IQGAP2: variants seen among roughly 807,000 people sequenced by gnomAD.
The protein encoded by IQGAP2 is IQ motif containing GTPase activating protein 2.
Under a neutral mutation model 201.3 loss-of-function variants are expected in IQGAP2, and 173 were observed. That is an observed-to-expected ratio of 0.86 (90% CI 0.76 to 0.98). The LOEUF is 0.98. Ranked by LOEUF, IQGAP2 falls within the 50% of genes least tolerant of loss-of-function variation. The pLI is 0.00. For missense variants in IQGAP2, 1,687 were observed against 1,864.8 expected, an observed-to-expected ratio of 0.90 and a Z score of 1.76; for synonymous variants, 675 against 673.9, an observed-to-expected ratio of 1.00 and a Z score of -0.03.
intron 30 of IQGAP2, among the ~76,000 whole-genome samples, chr5:76,692,269 G>C (rs2150535062): frequency 6.6e-6 from 1 of 152,172 alleles, no homozygotes; most frequent in Admixed American, 6.5e-5. Context: ...CTCACACTTA[G>C]GCCTCCTGAG....
chr5:76,435,042 T>C (rs115461452), intron 1 of IQGAP2, among the ~76,000 whole-genome samples: 2,918 of 150,018 alleles, frequency 0.019, 104 homozygotes, highest in African/African-American at 0.068. Context: ...CATTTTTTGA[T>C]GGGATTCTTT....
chr5:76,477,696 C>T (rs181357306), intron 2 of IQGAP2, among the ~76,000 whole-genome samples: 135 of 152,088 alleles, frequency 8.9e-4, no homozygotes, highest in Non-Finnish European at 1.7e-3. Flanking sequence ...CCAGGCAGGC[C>T]CTTTTGGAGG....
chr5:76,678,694 A>G (rs1053765165), intron 28 of IQGAP2, among the ~76,000 whole-genome samples: 4 of 152,358 alleles, frequency 2.6e-5, no homozygotes, highest in African/African-American at 9.6e-5. Flanking sequence ...CCAACTTTGG[A>G]TTATACAGAG....
intron 1 of IQGAP2, among the ~76,000 whole-genome samples, chr5:76,456,031 G>A (rs1001609722): frequency 6.6e-6 from 1 of 152,182 alleles, no homozygotes; most frequent in Admixed American, 6.5e-5. Flanking sequence ...TATCTTGTGT[G>A]ACTATTATGA....
At chr5:76,435,403 T>C (rs1044390766) in intron 1 of IQGAP2, among the ~76,000 whole-genome samples, 7 of 152,200 alleles carry the variant, frequency 4.6e-5, no homozygotes, top group African/African-American at 1.4e-4. Context: ...AGTTTCATTC[T>C]TCTACATGTG....
Position 76,701,170 on chromosome 5 carries a change from G to A in IQGAP2, c.4462G>A (p.Glu1488Lys). The A allele has an allele frequency of 3.7e-6, 6 of 1,614,082 alleles. No individual in the cohort carries two copies. Among genetic ancestry groups the A allele is most frequent in the Non-Finnish European group, 5.1e-6 (6 of 1,179,862 alleles). Reference protein sequence around the residue: ...PVKYTAAKLHEKGVLLDIDDL... With the variant: ...PVKYTAAKLHKKGVLLDIDDL... ...GAAGTACACTGCAGCAAAGCTGCAT[G>A]AGAAAGGTGTCCTGCTAGATATAGA... The change falls in exon 34 of 36, where the codon GAG (glutamate) becomes AAG (lysine). Residue 1488 changes from glutamate (E) to lysine (K), a missense_variant. By Grantham distance (56) the Glu-to-Lys change is moderately conservative. Transcript: ENST00000274364.
rs147198586 is a variant in IQGAP2, at chr5:76,495,666, G to A, written c.146+33997G>A. Among the ~76,000 whole-genome samples the A allele has an allele frequency of 7.4e-4, 113 of 152,312 alleles. 1 individual carries two copies. The East Asian group carries it at 7.7e-3, about 10-fold the overall frequency. On this transcript the variant is annotated intron_variant, in intron 2 of 35. Transcript: ENST00000274364. ...GTTCTGCAGGCAATGCAGGAAGCAC[G>A]GTGCTTGCATCTGCTTCTGGAGAGG...
intron 2 of IQGAP2, among the ~76,000 whole-genome samples, chr5:76,462,924 C>A (rs1222900372): frequency 6.6e-6 from 1 of 151,868 alleles, no homozygotes; most frequent in Non-Finnish European, 1.5e-5. Context: ...AGTCTAAGAT[C>A]ATTAAAAACA....
chr5:76,456,499 A>C (rs959366786), intron 1 of IQGAP2, among the ~76,000 whole-genome samples: 1 of 152,166 alleles, frequency 6.6e-6, no homozygotes, highest in Non-Finnish European at 1.5e-5. Context: ...CTTGGACTTT[A>C]GGTTCTCTCA....
intron 2 of IQGAP2, among the ~76,000 whole-genome samples, chr5:76,463,144 G>A (rs1363944531): frequency 5.2e-5 from 7 of 134,682 alleles, no homozygotes; most frequent in African/African-American, 8.2e-5. Flanking sequence ...AAAAAAAAAA[G>A]GAAAAGAAAG....
chr5:76,662,641 A>G (rs968274580), intron 21 of IQGAP2, among the ~76,000 whole-genome samples: 3 of 152,192 alleles, frequency 2.0e-5, no homozygotes, highest in Non-Finnish European at 4.4e-5. Flanking sequence ...TGAAGAGGAA[A>G]AATGTGGATT....
At chr5:76,617,503 C>A in intron 13 of IQGAP2, 2 of 1,042,044 alleles carry the variant, frequency 1.9e-6, no homozygotes, top group Admixed American at 2.3e-5. Context: ...GGAAATGGAG[C>A]TCCTTGCACT....
rs1338722154 is a variant in IQGAP2 at position 76,674,549 on chromosome 5, G to A, written c.3367G>A (p.Asp1123Asn). 5 of 1,613,998 alleles carry A rather than the reference G, an allele frequency of 3.1e-6. No homozygotes were observed. Among genetic ancestry groups the A allele is most frequent in the Admixed American group, 1.7e-5 (1 of 59,992 alleles). The change falls in exon 27 of 36, where the codon GAC (aspartate) becomes AAC (asparagine). Residue 1123 changes from aspartate (D) to asparagine (N), a missense_variant. Coordinates refer to ENST00000274364, the MANE Select transcript of IQGAP2 (RefSeq NM_006633.5). ...IVAPDGFDII[D>N]MTAGGQINSD... Reference sequence around the variant, plus strand: ...AGCTCCAGATGGCTTTGATATCATCGACATGACAGCTGGAGGTCAGATAAA... The same window carrying A: ...AGCTCCAGATGGCTTTGATATCATCAACATGACAGCTGGAGGTCAGATAAA...
At chr5:76,594,718 G>A (rs9293689) in intron 9 of IQGAP2, among the ~76,000 whole-genome samples, 40,439 of 151,956 alleles carry the variant, frequency 0.27, 5,760 homozygotes, top group South Asian at 0.46. Context: ...TGTAATCCCA[G>A]CACTTTGGGA....
At chr5:76,700,736 T>C (rs1186728965) in intron 33 of IQGAP2, among the ~76,000 whole-genome samples, 1 of 152,374 alleles carries the variant, frequency 6.6e-6, no homozygotes, top group East Asian at 1.9e-4. Context: ...TATCTAGGAA[T>C]ACACAGTTCA....
chr5:76,699,846 A>T (rs867907825), intron 33 of IQGAP2, among the ~76,000 whole-genome samples: 838 of 4,546 alleles, frequency 0.18, no homozygotes, highest in African/African-American at 0.26. Context: ...TCTCTCTCTC[A>T]CTCTCGTGCT....
At position 76,546,089 on chromosome 5, in the gene IQGAP2, T is replaced by G. The variant is rs113425330; in HGVS notation, c.147-16307T>G. Among the ~76,000 whole-genome samples the G allele has an allele frequency of 3.2e-4, 49 of 152,332 alleles. 1 individual carries two copies. Among genetic ancestry groups the G allele is most frequent in the African/African-American group, 1.1e-3 (46 of 41,566 alleles). ...AGCATGTGATGGAAGTGGCCACATT[T>G]TACCTCTTGCTTTATTTCCAGAAAT... On this transcript the variant is annotated intron_variant, in intron 2 of 35. Coordinates refer to ENST00000274364, the MANE Select transcript of IQGAP2 (RefSeq NM_006633.5).
intron 2 of IQGAP2, among the ~76,000 whole-genome samples, chr5:76,484,525 C>T (rs571004111): frequency 1.3e-5 from 2 of 152,276 alleles, no homozygotes; most frequent in African/African-American, 4.8e-5. Flanking sequence ...TCCTATAAAG[C>T]AATCACTAAA....
At chr5:76,650,449 AT>A (rs1358810322) in intron 17 of IQGAP2, among the ~76,000 whole-genome samples, 3 of 152,176 alleles carry the variant, frequency 2.0e-5, no homozygotes, top group African/African-American at 7.2e-5. Context: ...TGAGGTACAG[AT>A]TGTTTGCATA....
Sources: gnomAD v4.1 joint callset for allele counts (sites outside exome capture counted in the v4.1 genomes callset) on GRCh38, gnomAD v4.1.1 for gene constraint, MANE v1.5 for transcripts, NCBI Gene and HGNC (gene_info 2026-07-23, HGNC 2026-07-21) for gene names.